Variants in BMPR1B observed in about 807,000 individuals in gnomAD.
The protein encoded by BMPR1B is bone morphogenetic protein receptor type 1B.
Under a neutral mutation model 59.1 loss-of-function variants are expected in BMPR1B, and 12 were observed. The ratio of observed to expected loss-of-function variants is 0.20; its 90% CI spans 0.13 to 0.33. The LOEUF is 0.33. BMPR1B is among the 10% of genes least tolerant of loss of function. The pLI is 1.00. For missense variants in BMPR1B, 550 were observed against 610.9 expected (o/e 0.90, Z 1.05); for synonymous variants, 237 against 207.3 (o/e 1.14, Z -1.23).
At chr4:94,779,327 C>T (rs1191529110) in intron 1 of BMPR1B, among the ~76,000 whole-genome samples, 3 of 152,116 alleles carry the variant, frequency 2.0e-5, no homozygotes, top group Admixed American at 2.0e-4. Flanking sequence ...TCTCTACACA[C>T]ATATGAGGGC....
chr4:94,999,711 G>C (rs1383338924), intron 3 of BMPR1B, among the ~76,000 whole-genome samples: 2 of 152,124 alleles, frequency 1.3e-5, no homozygotes, highest in Non-Finnish European at 2.9e-5. Context: ...GGAGAGAATA[G>C]GTCCATCCTC....
At chr4:94,913,368 C>T (rs1366353991) in intron 2 of BMPR1B, among the ~76,000 whole-genome samples, 1 of 152,160 alleles carries the variant, frequency 6.6e-6, no homozygotes, top group Non-Finnish European at 1.5e-5. Context: ...ATTTCTGCCA[C>T]CACTGATAGT....
At chr4:95,083,133 G>T (rs185180100) in intron 3 of BMPR1B, among the ~76,000 whole-genome samples, 119 of 151,220 alleles carry the variant, frequency 7.9e-4, no homozygotes, top group African/African-American at 2.7e-3. Context: ...TATTGATAAG[G>T]TAACTCAGGG....
chr4:94,777,752 G>A (rs143771256), intron 1 of BMPR1B, among the ~76,000 whole-genome samples: 11 of 152,192 alleles, frequency 7.2e-5, no homozygotes, highest in East Asian at 5.8e-4. Flanking sequence ...TTGGCCGGGC[G>A]TGGTGTCTCA....
intron 2 of BMPR1B, among the ~76,000 whole-genome samples, chr4:94,926,382 A>G (rs1287341622): frequency 2.0e-5 from 3 of 152,032 alleles, no homozygotes; most frequent in Admixed American, 1.3e-4. Flanking sequence ...TATGCTTGAT[A>G]GCCTGACTTT....
At chr4:95,137,652 A>G (rs985324320) in intron 10 of BMPR1B, among the ~76,000 whole-genome samples, 1 of 152,146 alleles carries the variant, frequency 6.6e-6, no homozygotes, top group Non-Finnish European at 1.5e-5. Flanking sequence ...TCCCTTTACC[A>G]TTATGTAATG....
At position 95,150,306 on chromosome 4, in the gene BMPR1B, A is replaced by G. The variant is rs575498618; in HGVS notation, c.1252+1383A>G. On this transcript the variant is annotated intron_variant, in intron 11 of 12. Transcript: ENST00000515059. The stretch of plus-strand genomic sequence containing the variant: ...AACCAAAAAATTTAACAAATTGTCT[A>G]TGCCTTGATTTCACGCATTATAAAG... Among the ~76,000 whole-genome samples, 17 of 152,340 alleles carry G rather than the reference A, an allele frequency of 1.1e-4. No individual in the cohort carries two copies. In the East Asian group the frequency reaches 1.4e-3, roughly 12 times the overall value.
intron 11 of BMPR1B, among the ~76,000 whole-genome samples, chr4:95,151,323 C>G (rs80118314): frequency 5.4e-4 from 82 of 152,262 alleles, no homozygotes; most frequent in African/African-American, 1.8e-3. Flanking sequence ...CCCACCCCAT[C>G]CATCAGTCCA....
chr4:94,882,448 G>T (rs1170861717), intron 2 of BMPR1B, among the ~76,000 whole-genome samples: 2 of 152,206 alleles, frequency 1.3e-5, no homozygotes, highest in Admixed American at 6.5e-5. Context: ...TGAAAATTGT[G>T]ATTTTGCCTT....
At chr4:94,783,519 A>G (rs910529047) in intron 1 of BMPR1B, among the ~76,000 whole-genome samples, 7 of 152,148 alleles carry the variant, frequency 4.6e-5, no homozygotes, top group African/African-American at 1.4e-4. Context: ...TGTTCTTATG[A>G]AGTGTCTCTT....
chr4:94,872,521 T>A (rs1168319918), intron 1 of BMPR1B, among the ~76,000 whole-genome samples: 1 of 152,236 alleles, frequency 6.6e-6, no homozygotes, highest in Admixed American at 6.5e-5. Flanking sequence ...AGAAATTTTG[T>A]CTTCATATTT....
At chr4:94,962,540 GT>G (rs554577077) in intron 2 of BMPR1B, among the ~76,000 whole-genome samples, 7 of 151,154 alleles carry the variant, frequency 4.6e-5, no homozygotes, top group East Asian at 1.9e-4. Flanking sequence ...CATGAGATCA[GT>G]TTTTTTTTAG....
At chr4:94,883,092 T>C (rs1727044671) in intron 2 of BMPR1B, among the ~76,000 whole-genome samples, 1 of 152,034 alleles carries the variant, frequency 6.6e-6, no homozygotes, top group South Asian at 2.1e-4. Context: ...TTTGCAGGTG[T>C]CATCCCAGAG....
chr4:94,979,269 A>G (rs1180387139), intron 2 of BMPR1B, among the ~76,000 whole-genome samples: 1 of 152,238 alleles, frequency 6.6e-6, no homozygotes, highest in African/African-American at 2.4e-5. Flanking sequence ...ACTTCTTTGT[A>G]TCCAGTCTTT....
rs1433140027 is a variant in BMPR1B, at chr4:94,840,274, C to T, written c.-182-35557C>T. ...CTCTTCTCGAGGAGTATCTTTGTGG[C>T]GTTCTCTGTATTTCCTGAATCTGAA... On this transcript the variant is annotated intron_variant, in intron 1 of 12. Coordinates refer to ENST00000515059, the MANE Select transcript of BMPR1B (RefSeq NM_001203.3). Among the ~76,000 whole-genome samples, 9 of 148,358 alleles carry T rather than the reference C, an allele frequency of 6.1e-5. No homozygotes were observed. In the East Asian group the frequency reaches 7.8e-4, roughly 13 times the overall value.
chr4:94,814,730 C>T (rs1407239811), intron 1 of BMPR1B, among the ~76,000 whole-genome samples: 1 of 152,068 alleles, frequency 6.6e-6, no homozygotes, highest in Non-Finnish European at 1.5e-5. Context: ...TGCTATGTGT[C>T]AAAACATACT....
rs546688363 is a variant in BMPR1B, at chr4:94,780,308, C to G, written c.-183+22240C>G. On this transcript the variant is annotated intron_variant, in intron 1 of 12. Coordinates refer to ENST00000515059, the MANE Select transcript of BMPR1B (RefSeq NM_001203.3). Reference sequence around the variant, plus strand: ...CTGGTGACTGGCTTTCTTCACTTAGCATATTATTTTCGAGGTTCATCCATA... The same window carrying G: ...CTGGTGACTGGCTTTCTTCACTTAGGATATTATTTTCGAGGTTCATCCATA... Among the ~76,000 whole-genome samples the G allele has an allele frequency of 8.6e-4, 131 of 152,232 alleles. No individual in the cohort carries two copies. In the Middle Eastern group the frequency reaches 0.01, roughly 12 times the overall value.
At chr4:94,856,128 A>C (rs1308052483) in intron 1 of BMPR1B, among the ~76,000 whole-genome samples, 1 of 152,190 alleles carries the variant, frequency 6.6e-6, no homozygotes, top group African/African-American at 2.4e-5. Flanking sequence ...AGATTGTCTC[A>C]TGAAAAAGAA....
Position 95,091,723 on chromosome 4 carries a change from TA to T in BMPR1B, c.-17-12681del, listed in dbSNP as rs1216912458. On this transcript the variant is annotated intron_variant, in intron 3 of 12. Coordinates refer to ENST00000515059, the MANE Select transcript of BMPR1B (RefSeq NM_001203.3). ...ATGAGTAAAGCCAATTCTGGCACAA[TA>T]AAAGCTGTTAGAACTTAGCCTTTTT... 4 of 923,072 alleles carry T rather than the reference TA, an allele frequency of 4.3e-6. No homozygotes were observed. The African/African-American group carries it at 7.2e-5, about 17-fold the overall frequency. 57.2% of individuals were successfully genotyped at this position (923,072 alleles called of 1,614,324 possible).
Sources: allele counts gnomAD v4.1 joint callset (sites outside exome capture counted in the v4.1 genomes callset), GRCh38; gene constraint gnomAD v4.1.1; transcripts MANE v1.5; gene names NCBI Gene and HGNC (gene_info 2026-07-23, HGNC 2026-07-21).